CAPN7: variants seen among roughly 807,000 people sequenced by gnomAD.
CAPN7 encodes calpain 7, also known as calpain-7.
A neutral mutation model predicts 115.2 loss-of-function variants in CAPN7; 72 were observed. The ratio of observed to expected loss-of-function variants is 0.63; its 90% confidence interval spans 0.52 to 0.76. The LOEUF is 0.76. CAPN7 is among the 30% of genes least tolerant of loss of function. The probability of loss-of-function intolerance (pLI) is 0.00; values close to 1 mark genes in which losing one functional copy is unlikely to be tolerated. For synonymous variants in CAPN7, 344 were observed against 322.3 expected, an observed-to-expected ratio of 1.07 and a Z score of -0.72; for missense variants, 905 against 971.5, an observed-to-expected ratio of 0.93 and a Z score of 0.91.
rs376854507 is a variant in CAPN7 at position 15,217,396 on chromosome 3, CCTT to C, written c.212-26_212-24del. Reference sequence around the variant, plus strand: ...TTTCTGGCTGTATTTAGATAATACTCCTTCTGCGTATTTTTTTTTCTATCCTAG... The same window carrying C: ...TTTCTGGCTGTATTTAGATAATACTCCTGCGTATTTTTTTTTCTATCCTAG... On this transcript the variant is annotated intron_variant, in intron 2 of 20. Coordinates refer to ENST00000253693, the MANE Select transcript of CAPN7 (RefSeq NM_014296.3). 656 of 1,537,478 alleles carry C rather than the reference CCTT, an allele frequency of 4.3e-4. 1 individual carries two copies. The highest frequency in any genetic ancestry group is 9.5e-4 in the African/African-American group (68 of 71,410).
At chr3:15,217,682 G>A in intron 3 of CAPN7, 100 bp downstream of exon 3, 2 of 935,226 alleles carry the variant, frequency 2.1e-6, no homozygotes, top group Non-Finnish European at 3.0e-6. Flanking sequence ...AATTTTAACA[G>A]AATAAAAAAA....
chr3:15,207,275 C>T (rs894836566), intron 1 of CAPN7, among the ~76,000 whole-genome samples: 1 of 151,988 alleles, frequency 6.6e-6, no homozygotes, highest in African/African-American at 2.4e-5. Flanking sequence ...AGAAAAGGTA[C>T]AGTAAACATG....
In CAPN7 at chr3:15,251,635, T is replaced by C. The variant is rs6809951; in HGVS notation, c.*375T>C. On this transcript the variant is annotated 3_prime_UTR_variant, in exon 21 of 21. Coordinates refer to ENST00000253693, the MANE Select transcript of CAPN7 (RefSeq NM_014296.3). ...AAGGATATAGATTCCTTGAGTGGAA[T>C]AGTGGGCTAGATTAATATACCGAAA... 0.054 allele frequency: 8,574 copies of C among 159,894 alleles called. 831 individuals carry two copies. The highest frequency in any genetic ancestry group is 0.19 in the African/African-American group (8,092 of 41,846). 9.9% of individuals were successfully genotyped at this position (159,894 alleles called of 1,614,324 possible).
intron 6 of CAPN7, 52 bp downstream of exon 6, chr3:15,223,613 C>T (rs1305358871): frequency 9.7e-7 from 1 of 1,028,332 alleles, no homozygotes; most frequent in Non-Finnish European, 1.5e-6. Flanking sequence ...CTTTTCAGTA[C>T]TCTGAAGTTC....
chr3:15,234,892 T>C (rs1694897296), intron 11 of CAPN7, 133 bp from the exon 12 acceptor site: 2 of 595,040 alleles, frequency 3.4e-6, no homozygotes, highest in South Asian at 3.4e-5. Flanking sequence ...AGAAATGTAC[T>C]TCTTTTTGAA....
intron 12 of CAPN7, among the ~76,000 whole-genome samples, chr3:15,237,700 TG>T (rs541745015): frequency 2.0e-5 from 3 of 152,172 alleles, no homozygotes; most frequent in Non-Finnish European, 4.4e-5. Context: ...CTGGGCACCG[TG>T]GGTCACCCCT....
chr3:15,230,543 A>G lies in CAPN7; in HGVS notation c.1032+8A>G, dbSNP rs186923910. On this transcript the variant is annotated splice_region_variant and intron_variant, in intron 9 of 20. Coordinates refer to ENST00000253693, the MANE Select transcript of CAPN7 (RefSeq NM_014296.3). ...AATGGTGTCCCAAGAAAGGTGAATAATGTCTCTCCCCACTCCCATCCCTTG... is the reference window on the plus strand; with the variant it reads ...AATGGTGTCCCAAGAAAGGTGAATAGTGTCTCTCCCCACTCCCATCCCTTG... The G allele has an allele frequency of 2.6e-6, 4 of 1,536,184 alleles. No individual in the cohort carries two copies. Among genetic ancestry groups the G allele is most frequent in the East Asian group, 2.3e-5 (1 of 44,338 alleles).
intron 1 of CAPN7, among the ~76,000 whole-genome samples, chr3:15,210,420 A>G (rs777980313): frequency 2.6e-5 from 4 of 152,202 alleles, no homozygotes; most frequent in Non-Finnish European, 5.9e-5. Context: ...GTTACAATGT[A>G]TTTAGATAAT....
At chr3:15,218,670 CT>C in intron 4 of CAPN7, 130 bp downstream of exon 4, 1 of 688,820 alleles carries the variant, frequency 1.5e-6, no homozygotes. Context: ...AACAAATCTA[CT>C]TTCTACTTCT....
intron 16 of CAPN7, among the ~76,000 whole-genome samples, chr3:15,244,931 G>C (rs1695566937): frequency 6.6e-6 from 1 of 151,836 alleles, no homozygotes; most frequent in Non-Finnish European, 1.5e-5. Context: ...TATAAGACAT[G>C]CACTATTTTT....
intron 1 of CAPN7, chr3:15,210,902 G>A (rs948014602): frequency 3.1e-6 from 4 of 1,270,760 alleles, no homozygotes; most frequent in South Asian, 1.3e-5. Context: ...AAGTGTACAC[G>A]CTTGGGTTAC....
At chr3:15,225,360 T>A (rs1362508846) in intron 6 of CAPN7, among the ~76,000 whole-genome samples, 1 of 152,186 alleles carries the variant, frequency 6.6e-6, no homozygotes, top group African/African-American at 2.4e-5. Context: ...ATTGTGAAAA[T>A]GAATCAGTTA....
intron 9 of CAPN7, among the ~76,000 whole-genome samples, chr3:15,231,625 G>A (rs574962887): frequency 6.6e-6 from 1 of 152,084 alleles, no homozygotes; most frequent in Non-Finnish European, 1.5e-5. Flanking sequence ...CGCCTCCTGG[G>A]TGCAAGTGGG....
intron 9 of CAPN7, 86 bp from the exon 10 acceptor site, chr3:15,232,433 G>C (rs1694746585): frequency 9.6e-7 from 1 of 1,039,258 alleles, no homozygotes; most frequent in Non-Finnish European, 1.4e-6. Flanking sequence ...TATTTTATCA[G>C]TATGAAAGGT....
chr3:15,229,871 T>C (rs1553608045), intron 8 of CAPN7, among the ~76,000 whole-genome samples: 1 of 152,208 alleles, frequency 6.6e-6, no homozygotes, highest in Non-Finnish European at 1.5e-5. Flanking sequence ...TTGCAAAAAC[T>C]AAGCATTATA....
chr3:15,212,959 G>A (rs947787732), intron 2 of CAPN7, among the ~76,000 whole-genome samples: 1 of 152,122 alleles, frequency 6.6e-6, no homozygotes, highest in Non-Finnish European at 1.5e-5. Context: ...CAAGAACATC[G>A]TTGGGATAAA....
At chr3:15,234,264 C>T (rs41284025) in intron 11 of CAPN7, among the ~76,000 whole-genome samples, 9,755 of 152,086 alleles carry the variant, frequency 0.064, 560 homozygotes, top group East Asian at 0.31. Context: ...TGTGGTGAGC[C>T]GAGATTGCAC....
chr3:15,221,971 T>C (rs1262458792), intron 5 of CAPN7, among the ~76,000 whole-genome samples: 1 of 151,472 alleles, frequency 6.6e-6, no homozygotes, highest in South Asian at 2.1e-4. Context: ...AAAATATGTG[T>C]GTATACACGT....
chr3:15,233,167 C>T lies in CAPN7; in HGVS notation c.1179+502C>T, dbSNP rs187186242. ...AGAAAATGTGTTTAACCTTTCTTAG[C>T]CTCTTCATGTATCCATAATATAAGG... On this transcript the variant is annotated intron_variant, in intron 10 of 20. Coordinates refer to ENST00000253693, the MANE Select transcript of CAPN7 (RefSeq NM_014296.3). Among the ~76,000 whole-genome samples the T allele has an allele frequency of 3.9e-4, 60 of 152,200 alleles. 1 individual carries two copies. Among genetic ancestry groups the T allele is most frequent in the Non-Finnish European group, 6.8e-4 (46 of 68,002 alleles).
Sources: allele counts gnomAD v4.1 joint callset (sites outside exome capture counted in the v4.1 genomes callset), GRCh38; gene constraint gnomAD v4.1.1; transcripts MANE v1.5; gene names NCBI Gene and HGNC (gene_info 2026-07-23, HGNC 2026-07-21).